CNTNAP2: variants seen among roughly 807,000 people sequenced by gnomAD.
CNTNAP2 encodes the protein contactin associated protein 2.
Under a neutral mutation model 155.2 loss-of-function variants are expected in CNTNAP2, and 98 were observed. The ratio of observed to expected loss-of-function variants is 0.63; its 90% confidence interval spans 0.54 to 0.75. CNTNAP2 has a LOEUF of 0.75. CNTNAP2 is among the 30% of genes least tolerant of loss of function. The probability of loss-of-function intolerance (pLI) is 0.00; values close to 1 mark genes in which losing one functional copy is unlikely to be tolerated. For synonymous variants in CNTNAP2, 651 were observed against 631.2 expected, an observed-to-expected ratio of 1.03 and a Z score of -0.47; for missense variants, 1,727 against 1,688.1, an observed-to-expected ratio of 1.02 and a Z score of -0.40.
At chr7:146,809,002 A>G (rs1340261759) in intron 2 of CNTNAP2, among the ~76,000 whole-genome samples, 1 of 152,168 alleles carries the variant, frequency 6.6e-6, no homozygotes, top group Non-Finnish European at 1.5e-5. Flanking sequence ...TATCTTGGCT[A>G]TTGGGAATAA....
chr7:146,341,785 G>A (rs1302704391), intron 1 of CNTNAP2, among the ~76,000 whole-genome samples: 2 of 152,064 alleles, frequency 1.3e-5, no homozygotes, highest in Admixed American at 6.6e-5. Flanking sequence ...TCCTTTTAGG[G>A]TATTACATGC....
chr7:146,350,288 G>A (rs531792055), intron 1 of CNTNAP2, among the ~76,000 whole-genome samples: 34 of 152,008 alleles, frequency 2.2e-4, no homozygotes, highest in African/African-American at 8.2e-4. Flanking sequence ...ATCTGACAAA[G>A]GGCTAATATC....
At chr7:148,267,582 G>A (rs894287815) in intron 21 of CNTNAP2, among the ~76,000 whole-genome samples, 4 of 150,834 alleles carry the variant, frequency 2.7e-5, no homozygotes, top group Admixed American at 2.6e-4. Flanking sequence ...TTGAACCCCG[G>A]AGGTGGAGGT....
intron 13 of CNTNAP2, chr7:147,849,926 T>G (rs1211109124): frequency 6.6e-6 from 1 of 152,226 alleles, no homozygotes; most frequent in Non-Finnish European, 1.5e-5. Context: ...TCTCAGAAGC[T>G]AAGCAGGGTT....
At chr7:147,956,768 T>G (rs773251886) in intron 14 of CNTNAP2, among the ~76,000 whole-genome samples, 43 of 152,304 alleles carry the variant, frequency 2.8e-4, no homozygotes, top group Non-Finnish European at 5.9e-4. Context: ...TAATTCTACT[T>G]AGATTGATCC....
At chr7:146,823,225 T>A (rs1162712301) in intron 2 of CNTNAP2, among the ~76,000 whole-genome samples, 2 of 150,234 alleles carry the variant, frequency 1.3e-5, no homozygotes, top group Non-Finnish European at 3.0e-5. Context: ...ATGAGTATAC[T>A]CATTCTTCAG....
chr7:146,662,536 G>T (rs905033885), intron 1 of CNTNAP2, among the ~76,000 whole-genome samples: 1 of 151,906 alleles, frequency 6.6e-6, no homozygotes, highest in Non-Finnish European at 1.5e-5. Context: ...AATTATATAG[G>T]TTTTTTTGCA....
chr7:146,961,184 A>G (rs1277169573), intron 3 of CNTNAP2, among the ~76,000 whole-genome samples: 1 of 152,110 alleles, frequency 6.6e-6, no homozygotes, highest in Non-Finnish European at 1.5e-5. Flanking sequence ...TTACATTTTC[A>G]TTCCCCTGCT....
At chr7:147,364,831 G>A (rs1029149751) in intron 9 of CNTNAP2, among the ~76,000 whole-genome samples, 2 of 150,904 alleles carry the variant, frequency 1.3e-5, no homozygotes, top group Non-Finnish European at 1.5e-5. Context: ...CCTGGGCGAC[G>A]GAGTGAGACT....
At chr7:146,417,060 A>T (rs1159689748) in intron 1 of CNTNAP2, among the ~76,000 whole-genome samples, 2 of 152,128 alleles carry the variant, frequency 1.3e-5, no homozygotes, top group Admixed American at 6.6e-5. Context: ...TGTATACAAT[A>T]GGTTTGACAT....
intron 22 of CNTNAP2, among the ~76,000 whole-genome samples, chr7:148,404,754 A>G (rs1799659810): frequency 1.3e-5 from 2 of 152,160 alleles, no homozygotes; most frequent in South Asian, 4.1e-4. Flanking sequence ...GAATCAGGTC[A>G]CACAGTTTTA....
chr7:147,237,664 T>G (rs1455416324), intron 8 of CNTNAP2, among the ~76,000 whole-genome samples: 1 of 152,218 alleles, frequency 6.6e-6, no homozygotes, highest in East Asian at 1.9e-4. Flanking sequence ...TAACATGGAA[T>G]AAATTCTCAA....
At chr7:146,660,643 T>A (rs1032538718) in intron 1 of CNTNAP2, among the ~76,000 whole-genome samples, 4 of 152,078 alleles carry the variant, frequency 2.6e-5, no homozygotes, top group African/African-American at 9.7e-5. Flanking sequence ...AAATGGGAGG[T>A]GTTATTCTAT....
chr7:147,388,405 G>C (rs1400063531), intron 9 of CNTNAP2, among the ~76,000 whole-genome samples: 4 of 152,104 alleles, frequency 2.6e-5, no homozygotes, highest in Non-Finnish European at 4.4e-5. Context: ...TCATTGCTTT[G>C]AGAGTGACCC....
At chr7:148,091,256 C>T (rs1382323505) in intron 15 of CNTNAP2, among the ~76,000 whole-genome samples, 3 of 152,014 alleles carry the variant, frequency 2.0e-5, no homozygotes, top group South Asian at 2.1e-4. Context: ...TTTCAGATAA[C>T]GCATGTGTTA....
intron 1 of CNTNAP2, among the ~76,000 whole-genome samples, chr7:146,616,128 C>T (rs951288574): frequency 6.6e-6 from 1 of 151,614 alleles, no homozygotes; most frequent in Non-Finnish European, 1.5e-5. Flanking sequence ...AGCACAAAGT[C>T]TATAAAAATA....
intron 21 of CNTNAP2, among the ~76,000 whole-genome samples, chr7:148,362,603 G>C (rs1051980326): frequency 7.2e-5 from 11 of 152,196 alleles, no homozygotes; most frequent in African/African-American, 2.7e-4. Flanking sequence ...CATTCTTCCT[G>C]CATCTGTACT....
chr7:148,215,669 C>G lies in CNTNAP2; in HGVS notation c.3011-1619C>G, dbSNP rs79892476. On this transcript the variant is annotated intron_variant, in intron 18 of 23. Transcript: ENST00000361727. Reference sequence around the variant, plus strand: ...ATAGTTCACTAATCTTTCCTGAGCACTTATATATTCCGGGCACTAAGCTGT... The same window carrying G: ...ATAGTTCACTAATCTTTCCTGAGCAGTTATATATTCCGGGCACTAAGCTGT... 4.4e-3 allele frequency among the ~76,000 whole-genome samples: 672 copies of G among 152,242 alleles called. 18 individuals carry two copies. The East Asian group carries it at 0.083, about 19-fold the overall frequency.
rs993467274 is a variant in CNTNAP2, at chr7:147,585,425, A to G, written c.1897+23168A>G. Reference sequence around the variant, plus strand: ...ATATTTGATATAAAATTATATATAAATATAAATACATTTACATTGTATACA... The same window carrying G: ...ATATTTGATATAAAATTATATATAAGTATAAATACATTTACATTGTATACA... On this transcript the variant is annotated intron_variant, in intron 12 of 23. Coordinates refer to ENST00000361727, the MANE Select transcript of CNTNAP2 (RefSeq NM_014141.6). Among the ~76,000 whole-genome samples the G allele has an allele frequency of 2.9e-4, 43 of 149,504 alleles. 1 individual carries two copies. Among genetic ancestry groups the G allele is most frequent in the Non-Finnish European group, 1.5e-5 (1 of 67,490 alleles).
Sources: allele counts gnomAD v4.1 joint callset (sites outside exome capture counted in the v4.1 genomes callset), GRCh38; gene constraint gnomAD v4.1.1; transcripts MANE v1.5; gene names NCBI Gene and HGNC (gene_info 2026-07-23, HGNC 2026-07-21).